Variants in CERS3 observed in about 807,000 individuals in gnomAD.
CERS3 encodes the protein LAG1 homolog, ceramide synthase 3.
CERS3 carries 33 observed loss-of-function variants against 50.3 expected under a neutral mutation model. That is an observed-to-expected ratio of 0.66 (90% CI 0.50 to 0.88). CERS3 has a LOEUF of 0.88. CERS3 is among the 40% of genes least tolerant of loss of function. CERS3 has a pLI of 0.00. For synonymous variants in CERS3, 176 were observed against 155.2 expected, an observed-to-expected ratio of 1.13 and a Z score of -0.99; for missense variants, 470 against 460.3, an observed-to-expected ratio of 1.02 and a Z score of -0.19.
At chr15:100,442,983 G>A (rs904799967) in intron 11 of CERS3, among the ~76,000 whole-genome samples, 1 of 151,404 alleles carries the variant, frequency 6.6e-6, no homozygotes, top group Middle Eastern at 3.4e-3. Flanking sequence ...CAACTCTGGT[G>A]CCAACTTAGA....
intron 2 of CERS3, among the ~76,000 whole-genome samples, chr15:100,513,339 G>A (rs1596793599): frequency 6.6e-6 from 1 of 152,098 alleles, no homozygotes; most frequent in Admixed American, 6.6e-5. Flanking sequence ...GTCCACCTCT[G>A]TCTGGAGGCA....
Position 100,472,918 on chromosome 15 carries a change from G to A in CERS3, c.738+6C>T, listed in dbSNP as rs1566775. On this transcript the variant is annotated splice_donor_region_variant and intron_variant, in intron 9 of 11. Transcript: ENST00000679737. ...TGTCATTAGTTTTTTAATGGCAAAC[G>A]TTTACCTCCAGCCAAATGTCAGCCA... 0.053 allele frequency: 85,424 copies of A among 1,613,522 alleles called. 2,475 individuals are homozygous for A. Among genetic ancestry groups the A allele is most frequent in the Admixed American group, 0.061 (3,657 of 60,004 alleles).
intron 11 of CERS3, among the ~76,000 whole-genome samples, chr15:100,454,638 C>G (rs2034298987): frequency 1.3e-5 from 2 of 152,028 alleles, no homozygotes; most frequent in African/African-American, 2.4e-5. Flanking sequence ...CAGGGAAATA[C>G]TTCAGGACAT....
chr15:100,419,845 C>G (rs1323166898), intron 11 of CERS3, among the ~76,000 whole-genome samples: 1 of 143,712 alleles, frequency 7.0e-6, no homozygotes. Context: ...GGGTACATAA[C>G]GAAATGAAGG....
At chr15:100,523,080 C>G (rs1033311304) in intron 1 of CERS3, among the ~76,000 whole-genome samples, 2 of 152,164 alleles carry the variant, frequency 1.3e-5, no homozygotes, top group East Asian at 3.8e-4. Flanking sequence ...AGAAAGCTAA[C>G]AAGGTTGAGT....
chr15:100,531,370 G>C (rs2036935079), upstream of CERS3, among the ~76,000 whole-genome samples: 2 of 152,214 alleles, frequency 1.3e-5, no homozygotes, highest in South Asian at 4.1e-4. Flanking sequence ...CTAGAGGAAT[G>C]AGAGTGAGGA....
intron 11 of CERS3, among the ~76,000 whole-genome samples, chr15:100,411,427 G>A (rs2031483356): frequency 6.6e-6 from 1 of 152,228 alleles, no homozygotes; most frequent in East Asian, 1.9e-4. Context: ...CTCCCAAAGT[G>A]TTGGGATTAC....
intron 11 of CERS3, among the ~76,000 whole-genome samples, chr15:100,446,025 A>G (rs1274633866): frequency 6.6e-6 from 1 of 151,846 alleles, no homozygotes; most frequent in Non-Finnish European, 1.5e-5. Flanking sequence ...ACTCCTGCCC[A>G]CTAGAGAACA....
At chr15:100,436,680 G>T (rs535727604) in intron 11 of CERS3, among the ~76,000 whole-genome samples, 1 of 152,100 alleles carries the variant, frequency 6.6e-6, no homozygotes, top group Non-Finnish European at 1.5e-5. Flanking sequence ...TAAGAAAAAT[G>T]TTTTTAATAA....
intron 11 of CERS3, among the ~76,000 whole-genome samples, chr15:100,428,619 A>G (rs2032956842): frequency 6.6e-6 from 1 of 152,254 alleles, no homozygotes; most frequent in African/African-American, 2.4e-5. Flanking sequence ...CTTGAAGGCC[A>G]AAACTGCTCC....
chr15:100,438,764 C>T (rs2033545664), intron 11 of CERS3, among the ~76,000 whole-genome samples: 1 of 152,242 alleles, frequency 6.6e-6, no homozygotes. Context: ...TTTCTCCATG[C>T]TGGCTTTTGT....
chr15:100,466,341 T>C (rs78126860), intron 10 of CERS3, among the ~76,000 whole-genome samples: 5,911 of 152,288 alleles, frequency 0.039, 188 homozygotes, highest in African/African-American at 0.081. Flanking sequence ...GGCAGCAATA[T>C]TGCAGAAACT....
In CERS3 at chr15:100,442,518, G is replaced by T. The variant is rs139515623; in HGVS notation, c.999+13375C>A. ...AACTTCCAAATACCTGAACTGCAGC[G>T]GCCAGGCATTCCTCCAGAACTGCCT... On this transcript the variant is annotated intron_variant, in intron 11 of 11. Coordinates refer to ENST00000679737, the MANE Select transcript of CERS3 (RefSeq NM_001378789.1). 2.4e-3 allele frequency among the ~76,000 whole-genome samples: 363 copies of T among 152,226 alleles called. 2 individuals carry two copies. The highest frequency in any genetic ancestry group is 8.3e-3 in the African/African-American group (346 of 41,520).
intron 1 of CERS3, among the ~76,000 whole-genome samples, chr15:100,543,702 G>A (rs2037260533): frequency 6.6e-6 from 1 of 151,958 alleles, no homozygotes; most frequent in Admixed American, 6.6e-5. Flanking sequence ...GCTTATTTTT[G>A]TATTTTGAGT....
At chr15:100,474,126 G>A (rs374985946) in intron 8 of CERS3, among the ~76,000 whole-genome samples, 1 of 46,646 alleles carries the variant, frequency 2.1e-5, no homozygotes, top group African/African-American at 5.7e-5. Flanking sequence ...AGGGGCTGGG[G>A]AGGTTGAGAG....
At chr15:100,467,399 T>C (rs565549175) in intron 10 of CERS3, among the ~76,000 whole-genome samples, 26 of 152,282 alleles carry the variant, frequency 1.7e-4, no homozygotes, top group African/African-American at 6.3e-4. Flanking sequence ...GTGTATGTTT[T>C]CGTACAGCCC....
intron 9 of CERS3, among the ~76,000 whole-genome samples, chr15:100,469,814 T>C (rs1240078117): frequency 6.6e-6 from 1 of 152,216 alleles, no homozygotes; most frequent in African/African-American, 2.4e-5. Flanking sequence ...TGGCATGCAC[T>C]TCATGTGGGC....
intron 11 of CERS3, among the ~76,000 whole-genome samples, chr15:100,413,510 GACTAT>G (rs56261519): frequency 0.12 from 17,348 of 149,562 alleles, 1,237 homozygotes; most frequent in Admixed American, 0.19. Context: ...CACAACTGAC[GACTAT>G]ACTATACTAT....
At chr15:100,472,055 C>T (rs1286843978) in intron 9 of CERS3, among the ~76,000 whole-genome samples, 1 of 152,214 alleles carries the variant, frequency 6.6e-6, no homozygotes, top group African/African-American at 2.4e-5. Flanking sequence ...GTTTGCTAAA[C>T]CCCAACCTAG....
Sources: gnomAD v4.1 joint callset for allele counts (sites outside exome capture counted in the v4.1 genomes callset) on GRCh38, gnomAD v4.1.1 for gene constraint, MANE v1.5 for transcripts, NCBI Gene and HGNC (gene_info 2026-07-23, HGNC 2026-07-21) for gene names.